The following TMEM221 variants were observed in gnomAD, a reference collection of about 807,000 sequenced individuals.
The protein encoded by TMEM221 is transmembrane protein 221, also known as Putative transmembrane protein ENSP00000342162.
TMEM221 carries 11 observed loss-of-function variants against 10.2 expected under a neutral mutation model. The ratio of observed to expected loss-of-function variants is 1.08; its 90% confidence interval spans 0.68 to 1.79. The LOEUF (loss-of-function observed/expected upper bound fraction) is 1.79, where lower values mean the gene tolerates loss of function less well. Among genes scored for constraint, TMEM221 ranks in the 40% most tolerant of loss-of-function variants. The pLI is 0.00. For missense variants in TMEM221, 382 were observed against 417.7 expected, an observed-to-expected ratio of 0.91 and a Z score of 0.75; for synonymous variants, 172 against 199.8, an observed-to-expected ratio of 0.86 and a Z score of 1.18.
intron 2 of TMEM221, among the ~76,000 whole-genome samples, chr19:17,442,433 C>A: frequency 8.0e-6 from 1 of 124,504 alleles, no homozygotes; most frequent in East Asian, 2.0e-4. Flanking sequence ...TAATTTCTTT[C>A]TTTTCTTTCT....
chr19:17,444,115 C>T (rs2074942981), intron 2 of TMEM221, among the ~76,000 whole-genome samples: 1 of 117,964 alleles, frequency 8.5e-6, no homozygotes, highest in African/African-American at 3.3e-5. Flanking sequence ...GGGTTTTGCC[C>T]TTGTTGCCCA....
intron 2 of TMEM221, among the ~76,000 whole-genome samples, chr19:17,441,500 C>CA (rs2074931744): frequency 6.6e-6 from 1 of 152,162 alleles, no homozygotes; most frequent in African/African-American, 2.4e-5. Context: ...ATCACTAAGC[C>CA]ACTTTGGCAT....
At chr19:17,438,717 C>A (rs1599617039) in intron 2 of TMEM221, among the ~76,000 whole-genome samples, 1 of 151,646 alleles carries the variant, frequency 6.6e-6, no homozygotes, top group South Asian at 2.1e-4. Flanking sequence ...CCTGCCTCAG[C>A]CTCTTGAGTA....
intron 2 of TMEM221, among the ~76,000 whole-genome samples, chr19:17,442,367 C>T (rs948417510): frequency 1.3e-5 from 2 of 151,984 alleles, no homozygotes; most frequent in East Asian, 1.9e-4. Flanking sequence ...AAGCGATCCT[C>T]CTGCCTTCAG....
intron 1 of TMEM221, 97 bp from the exon 2 acceptor site, chr19:17,445,381 C>T: frequency 9.8e-7 from 1 of 1,017,468 alleles, no homozygotes; most frequent in South Asian, 1.6e-5. Context: ...TTAAATGAGA[C>T]AAGGACCCAG....
Position 17,436,476 on chromosome 19 carries a change from CT to C in TMEM221, c.857del (p.Lys286ArgfsTer13). ...CCTGGGCTCACACCAGTGTGGAGTCCTTCCCCATGCTCCCTGGTCTGTGGCC... is the reference window on the plus strand; with the variant it reads ...CCTGGGCTCACACCAGTGTGGAGTCCTCCCCATGCTCCCTGGTCTGTGGCC... ...MLGHRPGSMG[K>X]DSTLV On this transcript the variant is annotated frameshift_variant, in exon 3 of 3. Coordinates refer to ENST00000341130, the MANE Select transcript of TMEM221 (RefSeq NM_001190844.2). LOFTEE classifies it high-confidence loss of function. 6.6e-7 allele frequency: 1 copy of C among 1,524,442 alleles called. No individual in the cohort carries two copies. The highest frequency in any genetic ancestry group is 8.8e-7 in the Non-Finnish European group (1 of 1,138,768). The allele number at this position is 1,524,442 out of a possible 1,614,324, so 94.4% of individuals were successfully genotyped here. A position where few individuals can be genotyped will look rare whatever the true frequency, so the allele number is the denominator to read the frequency against.
chr19:17,436,572 T>A lies in TMEM221; in HGVS notation c.762A>T (p.Arg254Ser). 6.5e-7 allele frequency: 1 copy of A among 1,536,062 alleles called. No homozygotes were observed. Among genetic ancestry groups the A allele is most frequent in the Non-Finnish European group, 8.7e-7 (1 of 1,146,872 alleles). ...GGWESSLPAS[R>S]MHRTLSAGLG... ...GGCCAGCCGACAGTGTCCGGTGCAT[T>A]CTGGATGCAGGCAGGCTGCTCTCCC... The change falls in exon 3 of 3, where the codon AGA becomes AGT. Residue 254 changes from arginine to serine, a missense_variant. Physicochemically the swap from Arg to Ser is moderately radical, Grantham distance 110 (BLOSUM62 -1). Coordinates refer to ENST00000341130, the MANE Select transcript of TMEM221 (RefSeq NM_001190844.2).
In TMEM221 at chr19:17,436,365, A is replaced by G. The variant is rs2074908061; in HGVS notation, c.*93T>C. The stretch of plus-strand genomic sequence containing the variant: ...AGCCAAGGATGCAATAAAATGAGAG[A>G]AAAATCAAGTCCTACTGCTACTGCA... On this transcript the variant is annotated 3_prime_UTR_variant, in exon 3 of 3. Coordinates refer to ENST00000341130, the MANE Select transcript of TMEM221 (RefSeq NM_001190844.2). 2.4e-6 allele frequency: 3 copies of G among 1,247,700 alleles called. No homozygotes were observed. The highest frequency in any genetic ancestry group is 3.2e-5 in the Admixed American group (1 of 31,724). 77.3% of individuals were successfully genotyped at this position (1,247,700 alleles called of 1,614,324 possible). A position where few individuals can be genotyped will look rare whatever the true frequency, so the allele number is the denominator to read the frequency against.
Position 17,436,443 on chromosome 19 carries a change from T to C in TMEM221, c.*15A>G. ...TCCTTTTCTTACACCAGGTCTCTAT[T>C]CCTCATCCCTGGGCTCACACCAGTG... On this transcript the variant is annotated 3_prime_UTR_variant, in exon 3 of 3. Transcript: ENST00000341130. The C allele has an allele frequency of 6.7e-7, 1 of 1,484,428 alleles. No homozygotes were observed. 92.0% of individuals were successfully genotyped at this position (1,484,428 alleles called of 1,614,324 possible).
chr19:17,446,310 C>T (rs959002317), intron 1 of TMEM221, among the ~76,000 whole-genome samples: 1 of 152,196 alleles, frequency 6.6e-6, no homozygotes, highest in Non-Finnish European at 1.5e-5. Flanking sequence ...ACTCAACACT[C>T]AGGATGCAGC....
At position 17,439,643 on chromosome 19, in the gene TMEM221, G is replaced by A. The variant is rs866495413; in HGVS notation, c.407-2716C>T. Among the ~76,000 whole-genome samples, 209 of 151,624 alleles carry A rather than the reference G, an allele frequency of 1.4e-3. 4 individuals carry two copies. The highest frequency in any genetic ancestry group is 4.8e-3 in the African/African-American group (198 of 41,304). ...GTGGAGATTGCAGTGAGCCGAGATC[G>A]CGCCGCTACCCTCTACCCTGGGCAA... On this transcript the variant is annotated intron_variant, in intron 2 of 2. Transcript: ENST00000341130.
chr19:17,448,495 G>C lies in TMEM221; in HGVS notation c.-33C>G. On this transcript the variant is annotated 5_prime_UTR_variant, in exon 1 of 3. Coordinates refer to ENST00000341130, the MANE Select transcript of TMEM221 (RefSeq NM_001190844.2). This position sits in a 1 kb window ranked among gnomAD's most constrained non-coding sequence, Gnocchi z 4.7. Reference sequence around the variant, plus strand: ...GTTCCTGCGGGCCGGGGGAAGAGTTGAGGAATTGAAGTGGTTTTAGAGGGC... The same window carrying C: ...GTTCCTGCGGGCCGGGGGAAGAGTTCAGGAATTGAAGTGGTTTTAGAGGGC... The C allele has an allele frequency of 1.4e-6, 2 of 1,439,810 alleles. No homozygotes were observed. Among genetic ancestry groups the C allele is most frequent in the Non-Finnish European group, 1.8e-6 (2 of 1,099,492 alleles). 89.2% of individuals were successfully genotyped at this position (1,439,810 alleles called of 1,614,324 possible).
At chr19:17,437,867 GTCTTCTCCT>G (rs1401908098) in intron 2 of TMEM221, among the ~76,000 whole-genome samples, 36 of 151,952 alleles carry the variant, frequency 2.4e-4, no homozygotes, top group South Asian at 8.3e-4. Context: ...AGGGGTGTGG[GTCTTCTCCT>G]TCTTCTCCTT....
chr19:17,447,969 G>A (rs1488965832), intron 1 of TMEM221, among the ~76,000 whole-genome samples, 174 bp downstream of exon 1: 1 of 152,170 alleles, frequency 6.6e-6, no homozygotes, highest in Non-Finnish European at 1.5e-5. Context: ...TGGAGGGAGG[G>A]AAGGAGGGAG....
chr19:17,438,893 C>T (rs535173671), intron 2 of TMEM221, among the ~76,000 whole-genome samples: 54 of 418 alleles, frequency 0.13, 1 homozygote, highest in African/African-American at 0.33. Context: ...CCACTGCGCC[C>T]GACACCTGCT....
At position 17,440,929 on chromosome 19, in the gene TMEM221, C is replaced by T. The variant is rs1014937855; in HGVS notation, c.407-4002G>A. Among the ~76,000 whole-genome samples the T allele has an allele frequency of 3.3e-5, 5 of 152,150 alleles. 1 individual carries two copies. The highest frequency in any genetic ancestry group is 2.1e-4 in the South Asian group (1 of 4,810). On this transcript the variant is annotated intron_variant, in intron 2 of 2. Transcript: ENST00000341130. ...TGAATAAGAAGGGACCTTGAGGGAC[C>T]GGGCGTGGTGGCTCACGCCAGTAAC...
In TMEM221 at chr19:17,448,555, G is replaced by C; in HGVS notation, c.-93C>G. Reference sequence around the variant, plus strand: ...GGGGGGAATCCGAGGGTCCTCAGGGGGTCCCCGAGGGGGCGGGGCCGCAGG... The same window carrying C: ...GGGGGGAATCCGAGGGTCCTCAGGGCGTCCCCGAGGGGGCGGGGCCGCAGG... On this transcript the variant is annotated 5_prime_UTR_variant, in exon 1 of 3. Coordinates refer to ENST00000341130, the MANE Select transcript of TMEM221 (RefSeq NM_001190844.2). This position sits in a 1 kb window ranked among gnomAD's most constrained non-coding sequence, Gnocchi z 4.7. 2 of 1,011,100 alleles carry C rather than the reference G, an allele frequency of 2.0e-6. No individual in the cohort carries two copies. The highest frequency in any genetic ancestry group is 2.6e-6 in the Non-Finnish European group (2 of 764,004). 62.6% of individuals were successfully genotyped at this position (1,011,100 alleles called of 1,614,324 possible).
Position 17,435,935 on chromosome 19 carries a change from A to G in TMEM221, c.*523T>C, listed in dbSNP as rs918977943. 3.3e-5 allele frequency: 5 copies of G among 152,594 alleles called. No individual in the cohort carries two copies. The highest frequency in any genetic ancestry group is 7.3e-5 in the Non-Finnish European group (5 of 68,352). 9.5% of individuals were successfully genotyped at this position (152,594 alleles called of 1,614,324 possible). ...CAGAGTCTGAGACTTGCACATCAGC[A>G]GCATGGAGATTATGGGGTTCAGGTG... On this transcript the variant is annotated 3_prime_UTR_variant, in exon 3 of 3. Transcript: ENST00000341130.
chr19:17,436,584 C>G lies in TMEM221; in HGVS notation c.750G>C (p.Leu250=), dbSNP rs909201650. The G allele has an allele frequency of 2.4e-5, 37 of 1,535,996 alleles. No individual in the cohort carries two copies. In the African/African-American group the frequency reaches 4.9e-4, roughly 20 times the overall value. The change falls in exon 3 of 3, where the codon CTG becomes CTC. Residue 250 remains leucine (L), a synonymous_variant. Transcript: ENST00000341130. The part of the protein sequence containing the change: ...AALEGGWESS[L]PASRMHRTLS... ...GTGTCCGGTGCATTCTGGATGCAGG[C>G]AGGCTGCTCTCCCAGCCTCCCTCCA...
Sources: gnomAD v4.1 joint callset for allele counts (sites outside exome capture counted in the v4.1 genomes callset) on GRCh38, gnomAD v4.1.1 for gene constraint, Gnocchi (gnomAD v3.1) non-coding constraint, MANE v1.5 for transcripts, NCBI Gene and HGNC (gene_info 2026-07-23, HGNC 2026-07-21) for gene names.